The following MAP2K4 variants were observed in gnomAD, a reference collection of about 807,000 sequenced individuals.
The protein encoded by MAP2K4 is dual specificity mitogen-activated protein kinase kinase 4.
A neutral mutation model predicts 48.5 loss-of-function variants in MAP2K4; 4 were observed. The ratio of observed to expected loss-of-function variants is 0.08; its 90% CI spans 0.04 to 0.19. The LOEUF is 0.19. MAP2K4 is among the 10% of genes least tolerant of loss of function. MAP2K4 has a pLI of 1.00. For synonymous variants in MAP2K4, 166 were observed against 173.1 expected (o/e 0.96, Z 0.32); for missense variants, 258 against 493.3 (o/e 0.52, Z 4.52).
At position 12,110,429 on chromosome 17, in the gene MAP2K4, G is replaced by A. The variant is rs1307128115; in HGVS notation, c.685+3G>A. ...AAACTTGAAAATTATTCACAGAGGT[G>A]GGTATGGATTGGTATTTTTTGTAAT... On this transcript the variant is annotated splice_donor_region_variant and intron_variant, in intron 6 of 10. Coordinates refer to ENST00000353533, the MANE Select transcript of MAP2K4 (RefSeq NM_003010.4). 5 of 1,600,668 alleles carry A rather than the reference G, an allele frequency of 3.1e-6. No individual in the cohort carries two copies. Among genetic ancestry groups the A allele is most frequent in the Non-Finnish European group, 4.3e-6 (5 of 1,169,010 alleles).
At chr17:12,066,788 C>A (rs981385013) in intron 2 of MAP2K4, among the ~76,000 whole-genome samples, 4 of 152,140 alleles carry the variant, frequency 2.6e-5, no homozygotes, top group African/African-American at 9.7e-5. Flanking sequence ...CTTCCGGGTT[C>A]ACGCCATTCT....
chr17:12,116,858 G>T (rs1215550494), intron 7 of MAP2K4, among the ~76,000 whole-genome samples: 1 of 152,116 alleles, frequency 6.6e-6, no homozygotes, highest in Admixed American at 6.5e-5. Flanking sequence ...CAAGTATAGT[G>T]TACTGTACAT....
rs758560365 is a variant in MAP2K4, at chr17:12,110,432, T to C, written c.685+6T>C. The C allele has an allele frequency of 6.3e-7, 1 of 1,591,042 alleles. No homozygotes were observed. Among genetic ancestry groups the C allele is most frequent in the Non-Finnish European group, 8.6e-7 (1 of 1,162,886 alleles). On this transcript the variant is annotated splice_donor_region_variant and intron_variant, in intron 6 of 10. Coordinates refer to ENST00000353533, the MANE Select transcript of MAP2K4 (RefSeq NM_003010.4). ...CTTGAAAATTATTCACAGAGGTGGGTATGGATTGGTATTTTTTGTAATAGA... is the reference window on the plus strand; with the variant it reads ...CTTGAAAATTATTCACAGAGGTGGGCATGGATTGGTATTTTTTGTAATAGA...
At chr17:12,084,215 A>C (rs1381360327) in intron 3 of MAP2K4, among the ~76,000 whole-genome samples, 2 of 152,218 alleles carry the variant, frequency 1.3e-5, no homozygotes, top group African/African-American at 4.8e-5. Context: ...TTAATCTAAA[A>C]ATCAGTTTTG....
rs763822331 is a variant in MAP2K4 at position 12,139,821 on chromosome 17, A to G, written c.1041-18A>G. 5.1e-6 allele frequency: 8 copies of G among 1,555,984 alleles called. No individual in the cohort carries two copies. In the East Asian group the frequency reaches 1.8e-4, roughly 35 times the overall value. On this transcript the variant is annotated intron_variant, in intron 9 of 10. Coordinates refer to ENST00000353533, the MANE Select transcript of MAP2K4 (RefSeq NM_003010.4). Reference sequence around the variant, plus strand: ...AATGAATCTACATTTTAATAATGTTATTTTTATGTTATTTTAGCCTTACGA... The same window carrying G: ...AATGAATCTACATTTTAATAATGTTGTTTTTATGTTATTTTAGCCTTACGA...
In MAP2K4 at chr17:12,081,622, G is replaced by T; in HGVS notation, c.393+92G>T. Reference sequence around the variant, plus strand: ...CCACTGTTGTTGTGTTCCTACTTTTGTGGTAAATGTGGGTGTTTAAAAAAT... The same window carrying T: ...CCACTGTTGTTGTGTTCCTACTTTTTTGGTAAATGTGGGTGTTTAAAAAAT... On this transcript the variant is annotated intron_variant, in intron 3 of 10. Transcript: ENST00000353533. The surrounding 1 kb of genome is among the most constrained non-coding windows in gnomAD (Gnocchi z 4.2). 7.7e-7 allele frequency: 1 copy of T among 1,292,860 alleles called. No individual in the cohort carries two copies. The highest frequency in any genetic ancestry group is 1.1e-6 in the Non-Finnish European group (1 of 928,308). The allele number at this position is 1,292,860 out of a possible 1,614,324, so 80.1% of individuals were successfully genotyped here.
At chr17:12,114,324 A>G (rs965425633) in intron 7 of MAP2K4, among the ~76,000 whole-genome samples, 7 of 151,980 alleles carry the variant, frequency 4.6e-5, no homozygotes, top group East Asian at 1.9e-4. Context: ...GCATTTTTCA[A>G]TCCTCTTTTG....
intron 3 of MAP2K4, among the ~76,000 whole-genome samples, chr17:12,089,150 G>A (rs1169922756): frequency 2.6e-5 from 4 of 152,044 alleles, no homozygotes; most frequent in African/African-American, 9.7e-5. Context: ...CTGACCTCCT[G>A]ATCCACCTGC....
At chr17:12,079,710 A>G (rs1400397401) in intron 2 of MAP2K4, among the ~76,000 whole-genome samples, 1 of 152,174 alleles carries the variant, frequency 6.6e-6, no homozygotes, top group Non-Finnish European at 1.5e-5. Flanking sequence ...TTGAGATAGT[A>G]TTTACTTGCC....
rs1197306206 is a variant in MAP2K4, at chr17:12,143,299, C to T, written c.*2039C>T. ...TCTGACTGTCCAGGAGCTAATCTGA[C>T]CGTTCTATTGTGTGGATGACCACAT... On this transcript the variant is annotated 3_prime_UTR_variant, in exon 11 of 11. Transcript: ENST00000353533. The T allele has an allele frequency of 4.3e-6, 1 of 232,710 alleles. No individual in the cohort carries two copies. Among genetic ancestry groups the T allele is most frequent in the Non-Finnish European group, 8.5e-6 (1 of 117,548 alleles). The allele number at this position is 232,710 out of a possible 1,614,324, so 14.4% of individuals were successfully genotyped here. A position where few individuals can be genotyped will look rare whatever the true frequency, so the allele number is the denominator to read the frequency against.
intron 3 of MAP2K4, among the ~76,000 whole-genome samples, chr17:12,088,411 T>G (rs1210250507): frequency 1.4e-5 from 2 of 142,000 alleles, no homozygotes; most frequent in East Asian, 4.0e-4. Flanking sequence ...GTTGTAATAT[T>G]ATATATAAAT....
At position 12,027,660 on chromosome 17, in the gene MAP2K4, C is replaced by A. The variant is rs556336693; in HGVS notation, c.115+6659C>A. Among the ~76,000 whole-genome samples the A allele has an allele frequency of 8.5e-5, 13 of 152,208 alleles. No individual in the cohort carries two copies. In the South Asian group the frequency reaches 2.7e-3, roughly 32 times the overall value. ...AAGAAATCAGTGACATTAAGGAGCT[C>A]CCCTGATGATTTTGGCAGTTTCCCT... On this transcript the variant is annotated intron_variant, in intron 1 of 10. Transcript: ENST00000353533.
rs543157437 is a variant in MAP2K4, at chr17:12,075,110, A to G, written c.219-6246A>G. Among the ~76,000 whole-genome samples the G allele has an allele frequency of 3.3e-5, 5 of 152,328 alleles. No homozygotes were observed. In the South Asian group the frequency reaches 1.0e-3, roughly 32 times the overall value. ...TTGAGAAAGAGCATCTCCAAACAAGATATCTTGCAGGATTCAAAATAGTTT... is the reference window on the plus strand; with the variant it reads ...TTGAGAAAGAGCATCTCCAAACAAGGTATCTTGCAGGATTCAAAATAGTTT... On this transcript the variant is annotated intron_variant, in intron 2 of 10. Transcript: ENST00000353533.
At chr17:12,046,585 T>G (rs764651279) in intron 1 of MAP2K4, among the ~76,000 whole-genome samples, 20 of 152,164 alleles carry the variant, frequency 1.3e-4, no homozygotes, top group Non-Finnish European at 2.6e-4. Flanking sequence ...CTTTAAGTGA[T>G]AGCTCAAAGG....
At chr17:12,024,690 A>G (rs934586543) in intron 1 of MAP2K4, among the ~76,000 whole-genome samples, 3 of 152,202 alleles carry the variant, frequency 2.0e-5, no homozygotes, top group African/African-American at 7.2e-5. Context: ...TTCATCAATA[A>G]TTTGTTAATG....
intron 7 of MAP2K4, among the ~76,000 whole-genome samples, chr17:12,114,526 A>G (rs1479404943): frequency 6.6e-6 from 1 of 152,152 alleles, no homozygotes; most frequent in Non-Finnish European, 1.5e-5. Context: ...TTATCGTGAT[A>G]ACTAGGGATA....
At chr17:12,050,970 C>T (rs1410582825) in intron 1 of MAP2K4, among the ~76,000 whole-genome samples, 1 of 152,030 alleles carries the variant, frequency 6.6e-6, no homozygotes, top group South Asian at 2.1e-4. Flanking sequence ...CACTGTGTGC[C>T]GATGCTGTGA....
chr17:12,061,667 C>T (rs1970452229), intron 2 of MAP2K4, among the ~76,000 whole-genome samples: 1 of 152,138 alleles, frequency 6.6e-6, no homozygotes, highest in Non-Finnish European at 1.5e-5. Flanking sequence ...TAGAAGATAG[C>T]CCTGGTTTTT....
At chr17:12,129,118 T>C in intron 8 of MAP2K4, 21 bp from the exon 9 acceptor site, 1 of 1,611,766 alleles carries the variant, frequency 6.2e-7, no homozygotes, top group Non-Finnish European at 8.5e-7. Flanking sequence ...TATTTTGCTC[T>C]TTCCTCTTTG....
Sources: allele counts gnomAD v4.1 joint callset (sites outside exome capture counted in the v4.1 genomes callset), GRCh38; gene constraint gnomAD v4.1.1; non-coding constraint Gnocchi (gnomAD v3.1); transcripts MANE v1.5; gene names NCBI Gene and HGNC (gene_info 2026-07-23, HGNC 2026-07-21).